RXFP2: variants seen among roughly 807,000 people sequenced by gnomAD.
RXFP2 encodes relaxin receptor 2.
In RXFP2, 68 loss-of-function variants were observed where a neutral mutation model predicts 88.6. The ratio of observed to expected loss-of-function variants is 0.77; its 90% CI spans 0.63 to 0.94. The LOEUF (loss-of-function observed/expected upper bound fraction) is 0.94. RXFP2 is among the 40% of genes least tolerant of loss of function. The probability of loss-of-function intolerance (pLI) is 0.00; values close to 1 mark genes in which losing one functional copy is unlikely to be tolerated. For missense variants in RXFP2, 791 were observed against 893.9 expected, an observed-to-expected ratio of 0.88 and a Z score of 1.47; for synonymous variants, 329 against 306.8, an observed-to-expected ratio of 1.07 and a Z score of -0.76.
At chr13:31,743,754 C>T (rs1484805734) in intron 1 of RXFP2, among the ~76,000 whole-genome samples, 1 of 151,996 alleles carries the variant, frequency 6.6e-6, no homozygotes, top group East Asian at 1.9e-4. Flanking sequence ...CCTCCTACCC[C>T]CATCCCTATC....
chr13:31,741,330 T>C (rs933689297), intron 1 of RXFP2, among the ~76,000 whole-genome samples: 1 of 152,116 alleles, frequency 6.6e-6, no homozygotes, highest in South Asian at 2.1e-4. Context: ...TGACTACTAA[T>C]TTAAACCTTT....
At chr13:31,789,555 C>A (rs1416400352) in intron 14 of RXFP2, among the ~76,000 whole-genome samples, 2 of 152,188 alleles carry the variant, frequency 1.3e-5, no homozygotes, top group African/African-American at 4.8e-5. Context: ...AAGATTTGAG[C>A]CCTTAGGAAG....
intron 17 of RXFP2, among the ~76,000 whole-genome samples, chr13:31,799,112 T>C (rs912891630): frequency 2.0e-5 from 3 of 152,078 alleles, no homozygotes; most frequent in African/African-American, 4.8e-5. Context: ...ACATAGTGCT[T>C]TTGAGTAAAT....
At chr13:31,777,231 C>A in intron 7 of RXFP2, 145 bp from the exon 8 acceptor site, 1 of 646,480 alleles carries the variant, frequency 1.5e-6, no homozygotes, top group Non-Finnish European at 2.8e-6. Context: ...GCTCCAACCA[C>A]AGACGGAAGG....
chr13:31,796,809 TG>T (rs1472012262), intron 16 of RXFP2, among the ~76,000 whole-genome samples: 1 of 152,250 alleles, frequency 6.6e-6, no homozygotes, highest in African/African-American at 2.4e-5. Flanking sequence ...ATTTGTAATT[TG>T]AAAATCCAAA....
chr13:31,774,583 C>T (rs746915272), intron 5 of RXFP2, 37 bp from the exon 6 acceptor site: 2 of 1,036,836 alleles, frequency 1.9e-6, no homozygotes, highest in Admixed American at 1.7e-5. Flanking sequence ...AGTCCATAAA[C>T]CATAATCACC....
chr13:31,775,315 T>C lies in RXFP2; in HGVS notation c.570-3T>C, dbSNP rs903995022. The C allele has an allele frequency of 1.2e-6, 2 of 1,611,768 alleles. No homozygotes were observed. The highest frequency in any genetic ancestry group is 1.7e-6 in the Non-Finnish European group (2 of 1,177,930). On this transcript the variant is annotated splice_polypyrimidine_tract_variant and splice_region_variant and intron_variant, in intron 6 of 17. Transcript: ENST00000298386. ...CTAATTAACTCACCCATGCTATTTG[T>C]AGATATCTCAACCACAACTGCATCA... is the stretch of plus-strand genomic sequence containing the variant.
At chr13:31,758,114 T>C in intron 1 of RXFP2, 144 bp from the exon 2 acceptor site, 1 of 842,952 alleles carries the variant, frequency 1.2e-6, no homozygotes, top group South Asian at 1.4e-5. Flanking sequence ...AAAGTTGTCA[T>C]TGAGAATATT....
intron 16 of RXFP2, among the ~76,000 whole-genome samples, chr13:31,796,163 C>G (rs4453350): frequency 0.32 from 46,300 of 145,966 alleles, 8,347 homozygotes; most frequent in Admixed American, 0.43. Flanking sequence ...CATTCTCCTG[C>G]CTCAGCCTCC....
intron 16 of RXFP2, among the ~76,000 whole-genome samples, chr13:31,796,780 A>G (rs2138466344): frequency 6.6e-6 from 1 of 152,348 alleles, no homozygotes; most frequent in Middle Eastern, 3.4e-3. Flanking sequence ...TGTATTTAAC[A>G]TCTAAGTACA....
At chr13:31,762,396 T>C (rs574034595) in intron 3 of RXFP2, among the ~76,000 whole-genome samples, 60 of 152,146 alleles carry the variant, frequency 3.9e-4, no homozygotes, top group African/African-American at 1.2e-3. Flanking sequence ...AACAAAACAC[T>C]GGGGTCAGAA....
At chr13:31,753,439 C>A (rs529805590) in intron 1 of RXFP2, among the ~76,000 whole-genome samples, 1 of 152,176 alleles carries the variant, frequency 6.6e-6, no homozygotes, top group Admixed American at 6.5e-5. Context: ...TATGTTCGAG[C>A]CTCCTCTCAG....
At chr13:31,797,485 G>T in intron 17 of RXFP2, 66 bp downstream of exon 17, 7 of 1,148,086 alleles carry the variant, frequency 6.1e-6, no homozygotes, top group Non-Finnish European at 9.2e-6. Flanking sequence ...TTTTGACAAG[G>T]CCAGAGTCTA....
Position 31,778,589 on chromosome 13 carries a change from T to C in RXFP2, c.785+6T>C. ...ATGCCTCAACTCAACTGGGTGTGAG[T>C]ATTTATTTAGGAATTAATTTGTTAT... On this transcript the variant is annotated splice_donor_region_variant and intron_variant, in intron 9 of 17. Transcript: ENST00000298386. 6.3e-7 allele frequency: 1 copy of C among 1,592,378 alleles called. No individual in the cohort carries two copies. The highest frequency in any genetic ancestry group is 1.7e-4 in the Middle Eastern group (1 of 5,908).
intron 1 of RXFP2, 115 bp from the exon 2 acceptor site, chr13:31,758,143 C>A: frequency 9.7e-7 from 1 of 1,034,972 alleles, no homozygotes; most frequent in Non-Finnish European, 1.5e-6. Context: ...AAACTGTGCA[C>A]TAAGAATAAT....
intron 5 of RXFP2, among the ~76,000 whole-genome samples, chr13:31,772,150 T>C (rs1438282676): frequency 2.0e-5 from 3 of 152,186 alleles, no homozygotes; most frequent in Admixed American, 2.0e-4. Flanking sequence ...ATTTATGGAA[T>C]TGACTATAAT....
intron 17 of RXFP2, among the ~76,000 whole-genome samples, chr13:31,797,749 G>A (rs1874126959): frequency 6.6e-6 from 1 of 152,088 alleles, no homozygotes; most frequent in Non-Finnish European, 1.5e-5. Flanking sequence ...TGTCTCTAGA[G>A]GCTAAAACCT....
intron 7 of RXFP2, among the ~76,000 whole-genome samples, chr13:31,775,764 C>T (rs1016527641): frequency 6.6e-6 from 1 of 152,228 alleles, no homozygotes; most frequent in African/African-American, 2.4e-5. Flanking sequence ...GTTCTGCTTT[C>T]CAGAGCATTC....
chr13:31,741,386 C>T (rs889711242), intron 1 of RXFP2, among the ~76,000 whole-genome samples: 2 of 151,952 alleles, frequency 1.3e-5, no homozygotes, highest in Admixed American at 6.6e-5. Context: ...TTAATCAATG[C>T]TTTGACATTT....
Sources: gnomAD v4.1 joint callset for allele counts (sites outside exome capture counted in the v4.1 genomes callset) on GRCh38, gnomAD v4.1.1 for gene constraint, MANE v1.5 for transcripts, NCBI Gene and HGNC (gene_info 2026-07-23, HGNC 2026-07-21) for gene names.